C12orf54: variants seen among roughly 807,000 people sequenced by gnomAD.
C12orf54 encodes the protein uncharacterized protein C12orf54.
In C12orf54, 24 loss-of-function variants were observed where a neutral mutation model predicts 26.4. The ratio of observed to expected loss-of-function variants is 0.91; its 90% CI spans 0.66 to 1.28. C12orf54 has a LOEUF of 1.28. C12orf54 is among the 50% of genes most tolerant of loss of function. The pLI, the probability that C12orf54 is intolerant of heterozygous loss-of-function variation, is 0.00. For missense variants in C12orf54, 154 were observed against 150.9 expected (o/e 1.02, Z -0.11); for synonymous variants, 54 against 47.0 (o/e 1.15, Z -0.61).
the C12orf54 span, among the ~76,000 whole-genome samples, chr12:48,438,690 C>T: frequency 1.3e-5 from 2 of 152,312 alleles, no homozygotes; most frequent in South Asian, 4.1e-4. Context: ...GCTGGGAAAA[C>T]TGGCTAGCCA....
the C12orf54 span, among the ~76,000 whole-genome samples, chr12:48,441,274 G>A: frequency 1.3e-5 from 2 of 152,202 alleles, no homozygotes; most frequent in Admixed American, 6.5e-5. Flanking sequence ...TGCGTAGGCT[G>A]TCAGAGTGCT....
the C12orf54 span, among the ~76,000 whole-genome samples, chr12:48,471,521 A>T: frequency 1.3e-5 from 2 of 152,310 alleles, no homozygotes. Flanking sequence ...GTTTTTATGT[A>T]TGGTGAAAGG....
the C12orf54 span, among the ~76,000 whole-genome samples, chr12:48,446,401 C>T: frequency 6.6e-6 from 1 of 152,132 alleles, no homozygotes; most frequent in Non-Finnish European, 1.5e-5. Context: ...TCATACTTCC[C>T]CTGGCATAAT....
At chr12:48,494,191 T>C (rs2705130) in intron 7 of C12orf54, among the ~76,000 whole-genome samples, 50,648 of 150,368 alleles carry the variant, frequency 0.34, 8,839 homozygotes, top group Non-Finnish European at 0.36. Flanking sequence ...TGCACTCCAG[T>C]CTAGGCAACA....
the C12orf54 span, chr12:48,472,543 T>A: frequency 8.6e-7 from 1 of 1,162,414 alleles, no homozygotes; most frequent in South Asian, 1.5e-5. Flanking sequence ...TGTTTGGAAT[T>A]AAGAATTTAC....
At chr12:48,457,281 T>TGG in the C12orf54 span, among the ~76,000 whole-genome samples, 9 of 115,650 alleles carry the variant, frequency 7.8e-5, no homozygotes, top group Admixed American at 1.0e-3. Flanking sequence ...TTTGTTGTTG[T>TGG]TGTTGGTGGT....
chr12:48,495,619 A>C (rs1373797003), intron 8 of C12orf54: 1 of 152,602 alleles, frequency 6.6e-6, no homozygotes, highest in Admixed American at 6.5e-5. Context: ...GGCAGAGACT[A>C]TGCTAGCCAC....
the C12orf54 span, among the ~76,000 whole-genome samples, chr12:48,436,901 A>T: frequency 6.6e-6 from 1 of 152,272 alleles, no homozygotes. Flanking sequence ...TAAATAACTA[A>T]GATCAGAGCA....
chr12:48,427,503 A>G, the C12orf54 span, among the ~76,000 whole-genome samples: 1 of 152,118 alleles, frequency 6.6e-6, no homozygotes, highest in South Asian at 2.1e-4. Flanking sequence ...GGGTTTTTGC[A>G]TCAATGTTCA....
upstream of C12orf54, among the ~76,000 whole-genome samples, chr12:48,477,690 A>C (rs1289655781): frequency 1.3e-5 from 2 of 152,316 alleles, no homozygotes; most frequent in African/African-American, 4.8e-5. Flanking sequence ...TCCCAAGACT[A>C]AACCAGGAAG....
the C12orf54 span, among the ~76,000 whole-genome samples, chr12:48,476,889 A>G: frequency 6.6e-5 from 10 of 152,334 alleles, no homozygotes; most frequent in South Asian, 2.1e-4. Flanking sequence ...CTCTGCACCA[A>G]GCGGACCTAA....
the C12orf54 span, among the ~76,000 whole-genome samples, chr12:48,440,075 A>T: frequency 6.6e-6 from 1 of 151,960 alleles, no homozygotes; most frequent in South Asian, 2.1e-4. Context: ...AAATACAAAA[A>T]TTCGCCAACT....
At chr12:48,474,428 C>A in the C12orf54 span, among the ~76,000 whole-genome samples, 1 of 151,982 alleles carries the variant, frequency 6.6e-6, no homozygotes, top group African/African-American at 2.4e-5. Context: ...GTGCATGACC[C>A]GAAGCAGGGC....
chr12:48,459,307 C>A, the C12orf54 span, among the ~76,000 whole-genome samples: 1 of 152,172 alleles, frequency 6.6e-6, no homozygotes, highest in Non-Finnish European at 1.5e-5. Context: ...TGAGACGGAA[C>A]TTCTCAGCTG....
the C12orf54 span, among the ~76,000 whole-genome samples, chr12:48,418,364 G>C: frequency 6.6e-6 from 1 of 152,166 alleles, no homozygotes; most frequent in South Asian, 2.1e-4. Context: ...ATGGTAGTGT[G>C]GAAGGTCTAT....
At chr12:48,451,724 T>C in the C12orf54 span, among the ~76,000 whole-genome samples, 1 of 152,086 alleles carries the variant, frequency 6.6e-6, no homozygotes. Flanking sequence ...CAAATCACAA[T>C]GAACTCCCAT....
At chr12:48,434,304 A>C in the C12orf54 span, among the ~76,000 whole-genome samples, 2 of 152,234 alleles carry the variant, frequency 1.3e-5, no homozygotes, top group African/African-American at 4.8e-5. Context: ...ATCAAGGAGG[A>C]CTGCCTGCCT....
At chr12:48,433,689 T>C in the C12orf54 span, among the ~76,000 whole-genome samples, 1 of 152,158 alleles carries the variant, frequency 6.6e-6, no homozygotes, top group Non-Finnish European at 1.5e-5. Context: ...CCTTGTGATC[T>C]GCCCACCTTG....
At chr12:48,423,238 A>C in the C12orf54 span, among the ~76,000 whole-genome samples, 1 of 152,176 alleles carries the variant, frequency 6.6e-6, no homozygotes, top group Non-Finnish European at 1.5e-5. Context: ...AAATTTACAC[A>C]GGAAATGCTA....
Sources: gnomAD v4.1 joint callset for allele counts (sites outside exome capture counted in the v4.1 genomes callset) on GRCh38, gnomAD v4.1.1 for gene constraint, MANE v1.5 for transcripts, NCBI Gene and HGNC (gene_info 2026-07-23, HGNC 2026-07-21) for gene names.